Variants in FAM200B observed in about 807,000 individuals in gnomAD.
The protein encoded by FAM200B is protein FAM200B.
In FAM200B, 32 loss-of-function variants were observed where a neutral mutation model predicts 33.1. That is an observed-to-expected ratio of 0.97 (90% CI 0.73 to 1.30). The LOEUF is 1.30. Ranked by LOEUF, FAM200B falls within the 50% of genes most tolerant of loss-of-function variation. The probability of loss-of-function intolerance (pLI) is 0.00; values close to 1 mark genes in which losing one functional copy is unlikely to be tolerated. For synonymous variants in FAM200B, 240 were observed against 264.8 expected (o/e 0.91, Z 0.91); for missense variants, 741 against 754.0 (o/e 0.98, Z 0.20).
At chr4:15,666,775 C>T in the FAM200B span, among the ~76,000 whole-genome samples, 2 of 151,462 alleles carry the variant, frequency 1.3e-5, no homozygotes, top group Non-Finnish European at 2.9e-5. Context: ...GAGCTGTGAT[C>T]CCAACAATGC....
the FAM200B span, among the ~76,000 whole-genome samples, chr4:15,658,137 C>T: frequency 2.0e-5 from 3 of 152,144 alleles, no homozygotes; most frequent in Admixed American, 6.5e-5. Flanking sequence ...GGTTATTGGC[C>T]AGGGAGGGTC....
the FAM200B span, among the ~76,000 whole-genome samples, chr4:15,654,092 G>A: frequency 6.6e-6 from 1 of 152,152 alleles, no homozygotes; most frequent in Non-Finnish European, 1.5e-5. Context: ...TCTTGAGTGT[G>A]GCCTAACAGT....
the FAM200B span, among the ~76,000 whole-genome samples, chr4:15,670,291 G>C: frequency 7.2e-5 from 11 of 152,284 alleles, no homozygotes; most frequent in Non-Finnish European, 1.3e-4. Flanking sequence ...GAGTAGAAAG[G>C]CTAGATCATA....
the FAM200B span, among the ~76,000 whole-genome samples, chr4:15,671,920 T>G: frequency 6.6e-6 from 1 of 152,236 alleles, no homozygotes; most frequent in Non-Finnish European, 1.5e-5. Context: ...TCCATGTCTC[T>G]ACTTTTTGAA....
chr4:15,662,700 A>T, the FAM200B span, among the ~76,000 whole-genome samples: 1 of 152,214 alleles, frequency 6.6e-6, no homozygotes, highest in African/African-American at 2.4e-5. Context: ...AGGTAGTTAA[A>T]ATTGAATCAA....
chr4:15,673,549 T>C, the FAM200B span, among the ~76,000 whole-genome samples: 13 of 152,138 alleles, frequency 8.5e-5, no homozygotes, highest in African/African-American at 2.9e-4. Context: ...CACTAGGTGG[T>C]AGGAATTTTC....
chr4:15,682,408 A>G (rs1718391760), intron 1 of FAM200B, among the ~76,000 whole-genome samples: 1 of 152,158 alleles, frequency 6.6e-6, no homozygotes, highest in South Asian at 2.1e-4. Flanking sequence ...ACACATGTGT[A>G]CTCACCACTG....
Position 15,687,966 on chromosome 4 carries a change from G to C in FAM200B, c.989G>C (p.Arg330Pro), listed in dbSNP as rs539394364. Residue 330 changes from arginine (R) to proline (P), a missense_variant, in exon 2 of 2, where the codon CGT becomes CCT. Transcript: ENST00000422728. The part of the protein sequence containing the change: ...GAVWNHCFIH[R>P]EGLASREIPQ... Reference sequence around the variant, plus strand: ...GTGTGGAATCATTGTTTTATACATCGTGAAGGTTTAGCATCCAGAGAAATT... The same window carrying C: ...GTGTGGAATCATTGTTTTATACATCCTGAAGGTTTAGCATCCAGAGAAATT... 1 of 1,551,106 alleles carries C rather than the reference G, an allele frequency of 6.4e-7. No homozygotes were observed. The highest frequency in any genetic ancestry group is 1.2e-5 in the South Asian group (1 of 84,048).
the FAM200B span, among the ~76,000 whole-genome samples, chr4:15,676,420 C>T: frequency 6.6e-6 from 1 of 152,036 alleles, no homozygotes; most frequent in Non-Finnish European, 1.5e-5. Flanking sequence ...ATGACCTAAT[C>T]TCTACAACAA....
rs1247575508 is a variant in FAM200B, at chr4:15,686,907, ATTTTT to A, written c.-68_-64del. On this transcript the variant is annotated 5_prime_UTR_variant, in exon 2 of 2. It introduces an in-frame stop codon into an upstream open reading frame of the 5' UTR. Transcript: ENST00000422728. ...TGAAAAGATGTTATTTAGACTGTAT[ATTTTT>A]TTCTTCTTTTTTGAGTTAGTGCCAA... The A allele has an allele frequency of 3.8e-6, 3 of 782,444 alleles. No individual in the cohort carries two copies. The East Asian group carries it at 8.8e-5, about 23-fold the overall frequency. 48.5% of individuals were successfully genotyped at this position (782,444 alleles called of 1,614,324 possible). A position where few individuals can be genotyped will look rare whatever the true frequency, so the allele number is the denominator to read the frequency against.
At chr4:15,645,621 G>T in the FAM200B span, among the ~76,000 whole-genome samples, 1 of 152,058 alleles carries the variant, frequency 6.6e-6, no homozygotes, top group East Asian at 1.9e-4. Context: ...CAGAGATGGG[G>T]TTTCACCATC....
At chr4:15,664,934 T>C in the FAM200B span, among the ~76,000 whole-genome samples, 3 of 152,122 alleles carry the variant, frequency 2.0e-5, no homozygotes, top group Non-Finnish European at 4.4e-5. Flanking sequence ...ATCATTAATA[T>C]GTGAATCTTA....
Position 15,687,888 on chromosome 4 carries a change from G to A in FAM200B, c.911G>A (p.Gly304Glu). 1.3e-6 allele frequency: 2 copies of A among 1,551,102 alleles called. No homozygotes were observed. Among genetic ancestry groups the A allele is most frequent in the Non-Finnish European group, 8.7e-7 (1 of 1,146,638 alleles). Residue 304 changes from glycine (G) to glutamate (E), a missense_variant, in exon 2 of 2, where the codon GGA becomes GAA. Coordinates refer to ENST00000422728, the MANE Select transcript of FAM200B (RefSeq NM_001145191.2). ...ITSDGTATMT[G>E]KHSRVIKKLL... ...AGTGATGGCACAGCAACCATGACTG[G>A]AAAACATAGCAGAGTAATTAAAAAA...
chr4:15,665,713 T>A, the FAM200B span, among the ~76,000 whole-genome samples: 1 of 152,252 alleles, frequency 6.6e-6, no homozygotes, highest in African/African-American at 2.4e-5. Flanking sequence ...AACGTTTATC[T>A]GAGAAAAGAA....
At chr4:15,642,272 GCT>G in the FAM200B span, among the ~76,000 whole-genome samples, 1 of 146,806 alleles carries the variant, frequency 6.8e-6, no homozygotes. Flanking sequence ...GACAAGCCTT[GCT>G]CTGTTGCCCA....
chr4:15,669,833 GCAT>G, the FAM200B span, among the ~76,000 whole-genome samples: 1 of 152,042 alleles, frequency 6.6e-6, no homozygotes, highest in Non-Finnish European at 1.5e-5. Flanking sequence ...GATATTTTCA[GCAT>G]TTTTTATGAA....
At chr4:15,680,616 C>T (rs12650632), upstream of FAM200B, among the ~76,000 whole-genome samples, 1 of 151,912 alleles carries the variant, frequency 6.6e-6, no homozygotes, top group African/African-American at 2.4e-5. Context: ...GCTGAGGTTG[C>T]AGTGAGCCGA....
chr4:15,661,101 C>T, the FAM200B span, among the ~76,000 whole-genome samples: 1 of 151,932 alleles, frequency 6.6e-6, no homozygotes, highest in Non-Finnish European at 1.5e-5. Context: ...GTTAGGTAAC[C>T]TTTAACGAAT....
At position 15,688,168 on chromosome 4, in the gene FAM200B, G is replaced by T; in HGVS notation, c.1191G>T (p.Arg397Ser). ...TGTCTCAAGGGAAAATACTAAGCAG[G>T]GTTTATGAGCTCAGGAATGAGATTC... ...RWLSQGKILS[R>S]VYELRNEIHF... The change falls in exon 2 of 2, where the codon AGG becomes AGT. Residue 397 changes from arginine to serine, a missense_variant. Transcript: ENST00000422728. The T allele has an allele frequency of 6.4e-7, 1 of 1,550,878 alleles. No homozygotes were observed. The highest frequency in any genetic ancestry group is 8.7e-7 in the Non-Finnish European group (1 of 1,146,676).
Sources: gnomAD v4.1 joint callset for allele counts (sites outside exome capture counted in the v4.1 genomes callset) on GRCh38, gnomAD v4.1.1 for gene constraint, MANE v1.5 for transcripts, NCBI Gene and HGNC (gene_info 2026-07-23, HGNC 2026-07-21) for gene names.